DTNA: variants seen among roughly 807,000 people sequenced by gnomAD.
DTNA encodes dystrophin-related protein 3.
A neutral mutation model predicts 100.7 loss-of-function variants in DTNA; 43 were observed. That is an observed-to-expected ratio of 0.43 (90% CI 0.33 to 0.55). The LOEUF (loss-of-function observed/expected upper bound fraction) is 0.55. Ranked by LOEUF, DTNA falls within the 20% of genes least tolerant of loss-of-function variation. DTNA has a pLI of 0.04. For missense variants in DTNA, 798 were observed against 953.9 expected (o/e 0.84, Z 2.15); for synonymous variants, 349 against 347.9 (o/e 1.00, Z -0.04).
intron 1 of DTNA, among the ~76,000 whole-genome samples, chr18:34,506,355 G>A (rs1047971623): frequency 2.0e-5 from 3 of 151,888 alleles, no homozygotes; most frequent in Non-Finnish European, 4.4e-5. Flanking sequence ...GAATAGGGGG[G>A]GTCTTTATTA....
At chr18:34,681,978 C>T (rs1221009946) in intron 1 of DTNA, among the ~76,000 whole-genome samples, 1 of 152,076 alleles carries the variant, frequency 6.6e-6, no homozygotes, top group Non-Finnish European at 1.5e-5. Flanking sequence ...CTCCCCTGCA[C>T]CTCACCCCTC....
chr18:34,782,071 TG>T (rs2094346757), intron 3 of DTNA, among the ~76,000 whole-genome samples: 1 of 152,250 alleles, frequency 6.6e-6, no homozygotes, highest in South Asian at 2.1e-4. Flanking sequence ...TAAAGCCTTG[TG>T]GAGCTTTCTT....
At chr18:34,754,495 G>A (rs2092634364) in intron 1 of DTNA, among the ~76,000 whole-genome samples, 1 of 152,118 alleles carries the variant, frequency 6.6e-6, no homozygotes, top group Non-Finnish European at 1.5e-5. Flanking sequence ...AGGACAGCGT[G>A]GTCCTGGCTT....
At chr18:34,787,821 A>G (rs150854991) in intron 3 of DTNA, among the ~76,000 whole-genome samples, 4 of 152,302 alleles carry the variant, frequency 2.6e-5, no homozygotes, top group East Asian at 1.9e-4. Context: ...AGCTTTGTCT[A>G]TTTCCATTTA....
At chr18:34,761,512 G>A (rs1285414337) in intron 2 of DTNA, among the ~76,000 whole-genome samples, 1 of 152,112 alleles carries the variant, frequency 6.6e-6, no homozygotes, top group Non-Finnish European at 1.5e-5. Flanking sequence ...GAGAGGGAGA[G>A]AGAGGGAAGT....
At chr18:34,785,388 G>T (rs1464227788) in intron 3 of DTNA, among the ~76,000 whole-genome samples, 1 of 152,166 alleles carries the variant, frequency 6.6e-6, no homozygotes, top group Non-Finnish European at 1.5e-5. Flanking sequence ...AGAATTGAAA[G>T]AATTTTTGTG....
At chr18:34,833,589 A>G (rs1383403236) in intron 11 of DTNA, among the ~76,000 whole-genome samples, 1 of 152,202 alleles carries the variant, frequency 6.6e-6, no homozygotes, top group African/African-American at 2.4e-5. Context: ...ATGAACTTCA[A>G]AATTTACCAT....
intron 1 of DTNA, among the ~76,000 whole-genome samples, chr18:34,745,970 T>TG (rs1367881529): frequency 6.6e-6 from 1 of 152,202 alleles, no homozygotes; most frequent in Admixed American, 6.5e-5. Context: ...CTTGTCCTGT[T>TG]GCAGCCTCTT....
intron 3 of DTNA, among the ~76,000 whole-genome samples, chr18:34,791,928 C>T (rs1426069671): frequency 2.0e-5 from 3 of 152,172 alleles, no homozygotes; most frequent in Non-Finnish European, 4.4e-5. Flanking sequence ...ATGCACTTGT[C>T]GTAGAAGAGC....
At chr18:34,733,633 T>C (rs1357176568) in intron 1 of DTNA, among the ~76,000 whole-genome samples, 1 of 152,204 alleles carries the variant, frequency 6.6e-6, no homozygotes, top group Non-Finnish European at 1.5e-5. Flanking sequence ...TACAGAGCTC[T>C]TCAAAGATGC....
intron 2 of DTNA, among the ~76,000 whole-genome samples, 186 bp downstream of exon 2, chr18:34,756,229 T>A (rs2092758697): frequency 6.6e-6 from 1 of 152,222 alleles, no homozygotes. Context: ...CAGTAATTCA[T>A]CCTAATTTGC....
intron 3 of DTNA, among the ~76,000 whole-genome samples, chr18:34,767,257 G>A (rs1405540539): frequency 6.6e-6 from 1 of 152,082 alleles, no homozygotes; most frequent in Non-Finnish European, 1.5e-5. Flanking sequence ...TACCCTCTCA[G>A]AGTCTCTAGA....
intron 1 of DTNA, among the ~76,000 whole-genome samples, chr18:34,567,843 C>T (rs2047219548): frequency 1.3e-5 from 2 of 152,254 alleles, no homozygotes; most frequent in African/African-American, 4.8e-5. Flanking sequence ...ATAAGCCTTT[C>T]ACCCGAGAGA....
At chr18:34,649,078 GT>G (rs1013540113) in intron 1 of DTNA, among the ~76,000 whole-genome samples, 1 of 152,052 alleles carries the variant, frequency 6.6e-6, no homozygotes, top group Non-Finnish European at 1.5e-5. Flanking sequence ...TTATTAGAAT[GT>G]TTTTTTGGAG....
chr18:34,633,131 TTCTGATA>T (rs1296725396), intron 1 of DTNA, among the ~76,000 whole-genome samples: 1 of 152,184 alleles, frequency 6.6e-6, no homozygotes, highest in Non-Finnish European at 1.5e-5. Context: ...ATGGTAACTA[TTCTGATA>T]TCTGGATTAA....
At chr18:34,697,125 G>GA (rs58455345) in intron 1 of DTNA, among the ~76,000 whole-genome samples, 9,312 of 152,166 alleles carry the variant, frequency 0.061, 927 homozygotes, top group African/African-American at 0.21. Context: ...AAAGTACAAA[G>GA]GCTAAAGTAA....
intron 1 of DTNA, among the ~76,000 whole-genome samples, chr18:34,505,720 A>AT (rs540756083): frequency 5.0e-4 from 76 of 151,794 alleles, no homozygotes; most frequent in African/African-American, 1.5e-3. Flanking sequence ...AAAGTTTTAT[A>AT]TTTTTTTATT....
chr18:34,551,667 TATA>T (rs2045432833), intron 1 of DTNA, among the ~76,000 whole-genome samples: 1 of 152,150 alleles, frequency 6.6e-6, no homozygotes, highest in Non-Finnish European at 1.5e-5. Flanking sequence ...TTGCTTTATG[TATA>T]ATATCTAGAG....
At chr18:34,842,767 C>T (rs1162983467) in intron 13 of DTNA, among the ~76,000 whole-genome samples, 2 of 152,130 alleles carry the variant, frequency 1.3e-5, no homozygotes, top group Non-Finnish European at 2.9e-5. Context: ...AGTAGGTCCT[C>T]TATATTAGTC....
Sources: allele counts gnomAD v4.1 joint callset (sites outside exome capture counted in the v4.1 genomes callset), GRCh38; gene constraint gnomAD v4.1.1; transcripts MANE v1.5; gene names NCBI Gene and HGNC (gene_info 2026-07-23, HGNC 2026-07-21).